IL1RAPL2: variants seen among roughly 807,000 people sequenced by gnomAD.
IL1RAPL2 encodes the protein X-linked interleukin-1 receptor accessory protein-like 2.
In IL1RAPL2, 3 loss-of-function variants were observed where a neutral mutation model predicts 44.1. That is an observed-to-expected ratio of 0.07 (90% CI 0.03 to 0.18). The LOEUF (loss-of-function observed/expected upper bound fraction) is 0.18, where lower values mean the gene tolerates loss of function less well. Ranked by LOEUF, IL1RAPL2 falls within the 10% of genes least tolerant of loss-of-function variation. IL1RAPL2 has a pLI of 1.00. For synonymous variants in IL1RAPL2, 181 were observed against 178.8 expected (o/e 1.01, Z -0.10); for missense variants, 391 against 496.4 (o/e 0.79, Z 2.02).
At chrX:104,681,660 C>G (rs1930893158) in intron 2 of IL1RAPL2, among the ~76,000 whole-genome samples, 1 of 112,448 alleles carries the variant, frequency 8.9e-6, no homozygotes, top group African/African-American at 3.2e-5. Flanking sequence ...AGAATCATGT[C>G]CTGTGTAGGT....
intron 2 of IL1RAPL2, among the ~76,000 whole-genome samples, chrX:104,875,015 G>A (rs1602773638): frequency 9.0e-6 from 1 of 111,401 alleles, no homozygotes; most frequent in South Asian, 3.7e-4. Flanking sequence ...CTCACTCAGT[G>A]TTACATCTGA....
At chrX:105,398,853 G>T (rs2035584494) in intron 5 of IL1RAPL2, among the ~76,000 whole-genome samples, 1 of 111,791 alleles carries the variant, frequency 8.9e-6, no homozygotes. Flanking sequence ...CTGTTCTTCT[G>T]ATCTTCTCCT....
intron 2 of IL1RAPL2, among the ~76,000 whole-genome samples, chrX:104,843,920 G>C (rs1921975898): frequency 9.0e-6 from 1 of 110,801 alleles, no homozygotes; most frequent in African/African-American, 3.3e-5. Flanking sequence ...GTCTATCTGA[G>C]AGAATGTGTG....
At chrX:104,817,875 T>C (rs768567734) in intron 2 of IL1RAPL2, among the ~76,000 whole-genome samples, 1 of 111,076 alleles carries the variant, frequency 9.0e-6, no homozygotes, top group Non-Finnish European at 1.9e-5. Flanking sequence ...ATGATATATA[T>C]AGAGATACAA....
intron 1 of IL1RAPL2, among the ~76,000 whole-genome samples, chrX:104,614,046 G>C (rs746868282): frequency 9.1e-6 from 1 of 110,341 alleles, no homozygotes; most frequent in African/African-American, 3.3e-5. Flanking sequence ...TTTTACCTTT[G>C]TTGTTTCTGA....
chrX:105,338,566 A>C (rs2035046152), intron 5 of IL1RAPL2, among the ~76,000 whole-genome samples: 1 of 111,793 alleles, frequency 8.9e-6, no homozygotes, highest in African/African-American at 3.3e-5. Context: ...TATTTTTGAA[A>C]GTCCTTGCAA....
At chrX:105,183,276 A>G (rs1479841924) in intron 2 of IL1RAPL2, among the ~76,000 whole-genome samples, 1 of 111,415 alleles carries the variant, frequency 9.0e-6, no homozygotes, top group Non-Finnish European at 1.9e-5. Context: ...TACTTGGAGC[A>G]ACTCCAAGCC....
At chrX:105,489,132 A>G (rs1175088840) in intron 6 of IL1RAPL2, among the ~76,000 whole-genome samples, 2 of 112,007 alleles carry the variant, frequency 1.8e-5, no homozygotes, top group Non-Finnish European at 3.8e-5. Flanking sequence ...AAGTCTATGC[A>G]ACTAACGTTC....
chrX:105,514,289 C>T (rs1052182245), intron 6 of IL1RAPL2, among the ~76,000 whole-genome samples: 2 of 111,033 alleles, frequency 1.8e-5, no homozygotes, highest in African/African-American at 6.6e-5. Flanking sequence ...TTGAGTTTAT[C>T]AAGTACAGGA....
intron 2 of IL1RAPL2, among the ~76,000 whole-genome samples, chrX:104,872,979 A>G (rs913347489): frequency 8.9e-6 from 1 of 111,774 alleles, no homozygotes; most frequent in Non-Finnish European, 1.9e-5. Flanking sequence ...AGAGCAATAA[A>G]AGGTGACTTC....
intron 2 of IL1RAPL2, among the ~76,000 whole-genome samples, chrX:105,081,898 G>T (rs1461557549): frequency 1.8e-5 from 2 of 111,916 alleles, no homozygotes; most frequent in South Asian, 3.8e-4. Flanking sequence ...GAGGATTTTC[G>T]CATCAAAGTT....
chrX:105,767,821 T>C lies in IL1RAPL2; in HGVS notation c.*160T>C, dbSNP rs1311631987. ...AATATTTTTGTTTACATTTCCAGAA[T>C]AGTGGGGGGAAAGAAGGACCTGCTT... On this transcript the variant is annotated 3_prime_UTR_variant, in exon 11 of 11. Transcript: ENST00000372582. The C allele has an allele frequency of 4.6e-6, 2 of 433,072 alleles. No homozygotes were observed. Among genetic ancestry groups the C allele is most frequent in the East Asian group, 7.6e-5 (2 of 26,348 alleles). 35.7% of individuals were successfully genotyped at this position (433,072 alleles called of 1,213,427 possible). A position where few individuals can be genotyped will look rare whatever the true frequency, so the allele number is the denominator to read the frequency against.
At chrX:105,517,660 AAAAAAC>A (rs1255387442) in intron 6 of IL1RAPL2, among the ~76,000 whole-genome samples, 2 of 111,372 alleles carry the variant, frequency 1.8e-5, no homozygotes, top group East Asian at 5.7e-4. Flanking sequence ...TGTCATTCAA[AAAAAAC>A]AAAAACAAAA....
chrX:105,730,170 A>T (rs1173986134), intron 7 of IL1RAPL2, among the ~76,000 whole-genome samples: 1 of 111,351 alleles, frequency 9.0e-6, no homozygotes, highest in Non-Finnish European at 1.9e-5. Context: ...AGGGATGGAA[A>T]AAATATTCCA....
intron 2 of IL1RAPL2, among the ~76,000 whole-genome samples, chrX:104,761,403 C>T (rs968354011): frequency 9.0e-6 from 1 of 110,727 alleles, no homozygotes; most frequent in Non-Finnish European, 1.9e-5. Context: ...AATTACCTCC[C>T]CCCAGGTCCC....
intron 2 of IL1RAPL2, among the ~76,000 whole-genome samples, chrX:104,681,725 C>T (rs1379382432): frequency 8.9e-6 from 1 of 112,591 alleles, no homozygotes; most frequent in Non-Finnish European, 1.9e-5. Flanking sequence ...CTTGAGGTTC[C>T]TTCAAATTCT....
chrX:104,993,263 G>A (rs1353913569), intron 2 of IL1RAPL2, among the ~76,000 whole-genome samples: 2 of 111,476 alleles, frequency 1.8e-5, no homozygotes, highest in African/African-American at 3.3e-5. Context: ...TGATGGTGCC[G>A]AATTGATCCT....
rs760588105 is a variant in IL1RAPL2 at position 105,369,776 on chromosome X, C to T, written c.697+102235C>T. Among the ~76,000 whole-genome samples the T allele has an allele frequency of 4.5e-5, 5 of 111,258 alleles. No individual in the cohort carries two copies. In the South Asian group the frequency reaches 1.9e-3, roughly 42 times the overall value. ...GGTAAGGGCTATAAAAGTTGAGATG[C>T]TCTATCTGTGCCAAATCTACTTCCA... On this transcript the variant is annotated intron_variant, in intron 5 of 10. Coordinates refer to ENST00000372582, the MANE Select transcript of IL1RAPL2 (RefSeq NM_017416.2).
In IL1RAPL2 at chrX:104,820,505, A is replaced by G. The variant is rs1227584850; in HGVS notation, c.82+161510A>G. 2.7e-5 allele frequency among the ~76,000 whole-genome samples: 3 copies of G among 111,693 alleles called. No homozygotes were observed. In the East Asian group the frequency reaches 8.4e-4, roughly 31 times the overall value. On this transcript the variant is annotated intron_variant, in intron 2 of 10. Coordinates refer to ENST00000372582, the MANE Select transcript of IL1RAPL2 (RefSeq NM_017416.2). ...CCTTCTGACTCTTGAGCCCTGGGCT[A>G]ATTCTCATCCTAAAGCAGCAGGTTT...
Sources: allele counts gnomAD v4.1 joint callset (sites outside exome capture counted in the v4.1 genomes callset), GRCh38; gene constraint gnomAD v4.1.1; transcripts MANE v1.5; gene names NCBI Gene and HGNC (gene_info 2026-07-23, HGNC 2026-07-21).